The following TMEM117 variants were observed in gnomAD, a reference collection of about 807,000 sequenced individuals.
The protein encoded by TMEM117 is transmembrane protein 117.
TMEM117 carries 27 observed loss-of-function variants against 52.4 expected under a neutral mutation model. The ratio of observed to expected loss-of-function variants is 0.51; its 90% CI spans 0.38 to 0.71. The LOEUF (loss-of-function observed/expected upper bound fraction) is 0.71, where lower values mean the gene tolerates loss of function less well. Among genes scored for constraint, TMEM117 ranks in the 30% least tolerant of loss-of-function variants. TMEM117 has a pLI of 0.00. For synonymous variants in TMEM117, 215 were observed against 206.3 expected (o/e 1.04, Z -0.36); for missense variants, 556 against 630.5 (o/e 0.88, Z 1.26).
chr12:44,214,674 T>G (rs1297986553), intron 5 of TMEM117, among the ~76,000 whole-genome samples: 1 of 152,200 alleles, frequency 6.6e-6, no homozygotes, highest in Non-Finnish European at 1.5e-5. Context: ...GAGAGATTGT[T>G]TTCACTGTTA....
At chr12:43,991,727 C>T (rs1945944956) in intron 3 of TMEM117, among the ~76,000 whole-genome samples, 1 of 151,840 alleles carries the variant, frequency 6.6e-6, no homozygotes, top group Non-Finnish European at 1.5e-5. Context: ...AGAGAGAGAG[C>T]AAGAGTGAGA....
At chr12:43,800,882 C>G in the TMEM117 span, among the ~76,000 whole-genome samples, 7 of 152,042 alleles carry the variant, frequency 4.6e-5, no homozygotes, top group African/African-American at 1.7e-4. Flanking sequence ...TCCCGAGTAG[C>G]TGGGATTATA....
At chr12:43,806,100 C>G in the TMEM117 span, 4 of 1,521,680 alleles carry the variant, frequency 2.6e-6, no homozygotes, top group Admixed American at 2.0e-5. Context: ...CCCGGCTCGC[C>G]CCGCGAGACC....
intron 4 of TMEM117, among the ~76,000 whole-genome samples, chr12:44,203,095 TTTGTTGTTG>T (rs58933565): frequency 1.5e-4 from 23 of 151,382 alleles, no homozygotes; most frequent in Admixed American, 4.6e-4. Context: ...ACACATGGCC[TTTGTTGTTG>T]TTGTTGTTGT....
intron 3 of TMEM117, among the ~76,000 whole-genome samples, chr12:44,037,893 G>C: frequency 6.6e-6 from 1 of 152,056 alleles, no homozygotes; most frequent in Non-Finnish European, 1.5e-5. Context: ...CCTCTGCTGA[G>C]AGTTGGGCAG....
chr12:43,927,647 T>C (rs1189925927), intron 2 of TMEM117, among the ~76,000 whole-genome samples: 1 of 151,998 alleles, frequency 6.6e-6, no homozygotes, highest in Non-Finnish European at 1.5e-5. Context: ...ATTTATTATT[T>C]GTTATTATGT....
intron 6 of TMEM117, among the ~76,000 whole-genome samples, chr12:44,373,204 A>G (rs1565769835): frequency 6.6e-6 from 1 of 152,224 alleles, no homozygotes. Context: ...CCTCACACTT[A>G]AAGTCTTTCA....
At chr12:43,973,204 C>G (rs751497949) in intron 3 of TMEM117, among the ~76,000 whole-genome samples, 2 of 152,238 alleles carry the variant, frequency 1.3e-5, no homozygotes, top group Middle Eastern at 3.4e-3. Flanking sequence ...GTGACACCTC[C>G]TTTGTTTTTC....
chr12:43,934,782 T>C (rs1420635696), intron 2 of TMEM117, among the ~76,000 whole-genome samples: 1 of 152,190 alleles, frequency 6.6e-6, no homozygotes, highest in Non-Finnish European at 1.5e-5. Context: ...TTAAATTCTC[T>C]TTGTACCCTG....
intron 3 of TMEM117, among the ~76,000 whole-genome samples, chr12:44,018,387 A>G (rs569092781): frequency 1.3e-5 from 2 of 152,360 alleles, no homozygotes; most frequent in South Asian, 4.1e-4. Flanking sequence ...TTTTAGACCT[A>G]CTGAATTTGC....
chr12:44,111,725 G>T (rs1033685370), intron 3 of TMEM117, among the ~76,000 whole-genome samples: 1 of 141,776 alleles, frequency 7.1e-6, no homozygotes, highest in Non-Finnish European at 1.5e-5. Context: ...TATTAGGTCC[G>T]CTTGGTGCAG....
intron 3 of TMEM117, among the ~76,000 whole-genome samples, chr12:44,087,017 T>C (rs1449896022): frequency 6.8e-6 from 1 of 147,848 alleles, no homozygotes; most frequent in Non-Finnish European, 1.5e-5. Context: ...TATTATATAA[T>C]TAATAATTAT....
intron 6 of TMEM117, among the ~76,000 whole-genome samples, chr12:44,346,713 C>T (rs557000944): frequency 2.0e-4 from 30 of 152,186 alleles, no homozygotes; most frequent in African/African-American, 7.2e-4. Context: ...CCCTTCAGAA[C>T]ACAATTTGAG....
At chr12:44,260,137 T>C (rs1950304843) in intron 5 of TMEM117, among the ~76,000 whole-genome samples, 1 of 152,152 alleles carries the variant, frequency 6.6e-6, no homozygotes, top group African/African-American at 2.4e-5. Flanking sequence ...AGCTCTTCTG[T>C]CCAGAAGACC....
chr12:44,180,817 G>A (rs1421145463), intron 4 of TMEM117, among the ~76,000 whole-genome samples: 1 of 152,016 alleles, frequency 6.6e-6, no homozygotes, highest in Non-Finnish European at 1.5e-5. Flanking sequence ...AAACATATGT[G>A]TGCATGTGTC....
intron 2 of TMEM117, 134 bp downstream of exon 2, chr12:43,845,062 TG>T: frequency 1.0e-6 from 1 of 954,560 alleles, no homozygotes; most frequent in Non-Finnish European, 1.5e-6. Flanking sequence ...TTGTTATGCA[TG>T]GTTGTAACTG....
intron 2 of TMEM117, among the ~76,000 whole-genome samples, chr12:43,898,424 A>G (rs1033830239): frequency 2.7e-5 from 4 of 150,894 alleles, no homozygotes; most frequent in African/African-American, 9.7e-5. Flanking sequence ...TTCAGGACAT[A>G]TTGTGATTAA....
chr12:44,174,221 A>T (rs991506404), intron 4 of TMEM117, among the ~76,000 whole-genome samples: 1 of 152,208 alleles, frequency 6.6e-6, no homozygotes, highest in Non-Finnish European at 1.5e-5. Context: ...TGAAGAGATC[A>T]GAGAACTATG....
rs965716161 is a variant in TMEM117, at chr12:44,354,179, G to T, written c.769-22416G>T. 1.6e-4 allele frequency among the ~76,000 whole-genome samples: 25 copies of T among 152,124 alleles called. No individual in the cohort carries two copies. In the East Asian group the frequency reaches 2.9e-3, roughly 18 times the overall value. On this transcript the variant is annotated intron_variant, in intron 6 of 7. Coordinates refer to ENST00000266534, the MANE Select transcript of TMEM117 (RefSeq NM_032256.3). ...ACTTTGCTGAAGTTGCTTATCAGCTGAAGGAGATTTTGGGCTGAGACGATG... is the reference window on the plus strand; with the variant it reads ...ACTTTGCTGAAGTTGCTTATCAGCTTAAGGAGATTTTGGGCTGAGACGATG...
Sources: gnomAD v4.1 joint callset for allele counts (sites outside exome capture counted in the v4.1 genomes callset) on GRCh38, gnomAD v4.1.1 for gene constraint, MANE v1.5 for transcripts, NCBI Gene and HGNC (gene_info 2026-07-23, HGNC 2026-07-21) for gene names.